The following NHSL2 variants were observed in gnomAD, a reference collection of about 807,000 sequenced individuals.
NHSL2 encodes NHS-like protein 2.
Under a neutral mutation model 53.4 loss-of-function variants are expected in NHSL2, and 27 were observed. That is an observed-to-expected ratio of 0.51 (90% CI 0.37 to 0.70). The LOEUF (loss-of-function observed/expected upper bound fraction) is 0.70, where lower values mean the gene tolerates loss of function less well. Ranked by LOEUF, NHSL2 falls within the 30% of genes least tolerant of loss-of-function variation. The probability of loss-of-function intolerance (pLI) is 0.00; values close to 1 mark genes in which losing one functional copy is unlikely to be tolerated. For synonymous variants in NHSL2, 408 were observed against 404.1 expected (o/e 1.01, Z -0.12); for missense variants, 892 against 980.1 (o/e 0.91, Z 1.20).
chrX:72,068,162 C>T, intron 1 of NHSL2, among the ~76,000 whole-genome samples: 1 of 112,073 alleles, frequency 8.9e-6, no homozygotes, highest in Non-Finnish European at 1.9e-5. Context: ...TAGGCAATGA[C>T]TGGCACCTCT....
chrX:71,943,751 C>T lies in NHSL2; in HGVS notation c.280+32384C>T, dbSNP rs772396328. 3.6e-5 allele frequency among the ~76,000 whole-genome samples: 4 copies of T among 112,584 alleles called. No homozygotes were observed. In the South Asian group the frequency reaches 1.1e-3, roughly 31 times the overall value. ...CATGCAAGGCATATGGGAGGTATAA[C>T]TGGGTATACTTTGGCCTGAAAGTAA... On this transcript the variant is annotated intron_variant, in intron 1 of 7. Transcript: ENST00000633930.
intron 1 of NHSL2, among the ~76,000 whole-genome samples, chrX:71,912,525 C>G (rs2041609430): frequency 8.9e-6 from 1 of 111,864 alleles, no homozygotes; most frequent in Non-Finnish European, 1.9e-5. Context: ...CAGACCCCAC[C>G]CCATCCCCAC....
chrX:71,919,502 C>T (rs2041646169), intron 1 of NHSL2, among the ~76,000 whole-genome samples: 1 of 111,967 alleles, frequency 8.9e-6, no homozygotes, highest in African/African-American at 3.2e-5. Flanking sequence ...TAAGAATGTT[C>T]CTAGACAGCT....
At chrX:71,929,885 GC>G (rs2041704397) in intron 1 of NHSL2, among the ~76,000 whole-genome samples, 1 of 110,609 alleles carries the variant, frequency 9.0e-6, no homozygotes, top group African/African-American at 3.3e-5. Flanking sequence ...CTCCCGAGTA[GC>G]TAGGACTACA....
chrX:72,113,746 T>C (rs745737118), intron 1 of NHSL2, among the ~76,000 whole-genome samples: 2 of 112,282 alleles, frequency 1.8e-5, no homozygotes, highest in Non-Finnish European at 3.8e-5. Flanking sequence ...CATTTTCTGC[T>C]CCTCTCCTGG....
chrX:72,148,439 C>T lies in NHSL2; in HGVS notation c.*4865C>T, dbSNP rs1761512169. The T allele has an allele frequency of 9.0e-6, 1 of 111,266 alleles. No homozygotes were observed. Among genetic ancestry groups the T allele is most frequent in the South Asian group, 3.8e-4 (1 of 2,642 alleles). 9.2% of individuals were successfully genotyped at this position (111,266 alleles called of 1,213,427 possible). ...ATGAGACTATATCTATACCACAGCC[C>T]CCAATCCTTTCAAAGGCTTTGCATG... On this transcript the variant is annotated 3_prime_UTR_variant, in exon 8 of 8. Coordinates refer to ENST00000633930, the MANE Select transcript of NHSL2 (RefSeq NM_001013627.3).
chrX:71,913,360 AAG>A (rs1487829082), intron 1 of NHSL2, among the ~76,000 whole-genome samples: 1 of 112,068 alleles, frequency 8.9e-6, no homozygotes, highest in East Asian at 2.8e-4. Context: ...GCCAAATGCA[AAG>A]AGAGTTGGGG....
At position 72,045,508 on chromosome X, in the gene NHSL2, G is replaced by A. The variant is rs965553402; in HGVS notation, c.281-86571G>A. 3.6e-5 allele frequency among the ~76,000 whole-genome samples: 4 copies of A among 111,236 alleles called. No homozygotes were observed. The East Asian group carries it at 1.1e-3, about 32-fold the overall frequency. ...GTGGAGGGGTGGTGGGAGGTGGGAG[G>A]CCCCCGTGGCCTCTGGGGCTCAGCT... On this transcript the variant is annotated intron_variant, in intron 1 of 7. Transcript: ENST00000633930.
At chrX:72,056,338 A>G (rs755962405) in intron 1 of NHSL2, among the ~76,000 whole-genome samples, 4 of 111,857 alleles carry the variant, frequency 3.6e-5, no homozygotes, top group Non-Finnish European at 7.5e-5. Context: ...TGTGTTCCCT[A>G]CAGTAGGTGA....
At chrX:71,938,446 GTCT>G (rs1190072310) in intron 1 of NHSL2, among the ~76,000 whole-genome samples, 3 of 112,168 alleles carry the variant, frequency 2.7e-5, no homozygotes, top group Non-Finnish European at 5.6e-5. Flanking sequence ...TCTCCTTGGC[GTCT>G]TCTTCTCCCA....
In NHSL2 at chrX:72,139,705, G is replaced by A. The variant is rs921664221; in HGVS notation, c.2157G>A (p.Ser719=). The change falls in exon 6 of 8, where the codon TCG becomes TCA. Residue 719 remains serine (S), a synonymous_variant. Transcript: ENST00000633930. ...CCTCCAGTGGCTACTCCAGCCAGTCGGAAACACCAACACCCACTGTTTCCA... is the reference window on the plus strand; with the variant it reads ...CCTCCAGTGGCTACTCCAGCCAGTCAGAAACACCAACACCCACTGTTTCCA... The part of the protein sequence containing the change: ...MSPSSGYSSQ[S]ETPTPTVSMS... The A allele has an allele frequency of 2.5e-6, 3 of 1,208,372 alleles. No homozygotes were observed. Among genetic ancestry groups the A allele is most frequent in the Admixed American group, 2.2e-5 (1 of 45,622 alleles).
At chrX:72,052,661 C>CGAGA (rs2042347476) in intron 1 of NHSL2, among the ~76,000 whole-genome samples, 1 of 111,878 alleles carries the variant, frequency 8.9e-6, no homozygotes, top group South Asian at 3.7e-4. Context: ...CAGGAGCACA[C>CGAGA]GACACTCTCG....
chrX:71,970,398 A>G (rs1479854018), intron 1 of NHSL2, among the ~76,000 whole-genome samples: 2 of 111,643 alleles, frequency 1.8e-5, no homozygotes. Flanking sequence ...TTATTAATTC[A>G]GTCTCTTTGT....
chrX:71,920,446 A>G (rs886308498), intron 1 of NHSL2, among the ~76,000 whole-genome samples: 2 of 110,876 alleles, frequency 1.8e-5, no homozygotes, highest in Non-Finnish European at 3.8e-5. Flanking sequence ...TCAGTACAAC[A>G]TGTTGGTAGA....
chrX:72,026,737 G>A (rs915097452), intron 1 of NHSL2, among the ~76,000 whole-genome samples: 10 of 112,344 alleles, frequency 8.9e-5, no homozygotes, highest in African/African-American at 2.9e-4. Flanking sequence ...TAAGAAACAC[G>A]AGAGACAGTC....
intron 1 of NHSL2, among the ~76,000 whole-genome samples, chrX:71,949,333 C>T (rs1316164583): frequency 3.6e-5 from 4 of 110,754 alleles, no homozygotes; most frequent in Non-Finnish European, 7.6e-5. Context: ...TTCCTGAAGG[C>T]AAGGGGGCCT....
chrX:72,076,728 G>A (rs1047139986), intron 1 of NHSL2, among the ~76,000 whole-genome samples: 4 of 112,367 alleles, frequency 3.6e-5, no homozygotes, highest in Non-Finnish European at 7.5e-5. Context: ...ATCACCCCTA[G>A]GCAGTACTTT....
intron 1 of NHSL2, among the ~76,000 whole-genome samples, chrX:71,995,197 A>G (rs1476771519): frequency 8.9e-6 from 1 of 111,968 alleles, no homozygotes; most frequent in Non-Finnish European, 1.9e-5. Context: ...TACCACCTTC[A>G]AGATCTGTTC....
intron 1 of NHSL2, among the ~76,000 whole-genome samples, chrX:72,121,005 A>G (rs1487357536): frequency 8.9e-6 from 1 of 112,566 alleles, no homozygotes; most frequent in Non-Finnish European, 1.9e-5. Flanking sequence ...CACGCAAGGC[A>G]TTGTGGATAC....
Sources: allele counts gnomAD v4.1 joint callset (sites outside exome capture counted in the v4.1 genomes callset), GRCh38; gene constraint gnomAD v4.1.1; transcripts MANE v1.5; gene names NCBI Gene and HGNC (gene_info 2026-07-23, HGNC 2026-07-21).